Variants in MAP3K4 observed in about 807,000 individuals in gnomAD.
The protein encoded by MAP3K4 is mitogen-activated protein kinase kinase kinase 4, also known as MAP three kinase 1.
MAP3K4 carries 67 observed loss-of-function variants against 185.6 expected under a neutral mutation model. The ratio of observed to expected loss-of-function variants is 0.36; its 90% confidence interval spans 0.30 to 0.44. The LOEUF is 0.44. Among genes scored for constraint, MAP3K4 ranks in the 20% least tolerant of loss-of-function variants. The probability of loss-of-function intolerance (pLI) is 1.00; values close to 1 mark genes in which losing one functional copy is unlikely to be tolerated. For synonymous variants in MAP3K4, 702 were observed against 710.4 expected, an observed-to-expected ratio of 0.99 and a Z score of 0.19; for missense variants, 1,551 against 1,995.1, an observed-to-expected ratio of 0.78 and a Z score of 4.24.
chr6:161,103,593 G>A lies in MAP3K4; in HGVS notation c.3856+814G>A, dbSNP rs1051091126. ...ATGCCAATGCAGGAGAAACTGGAGAGTGAGGGGAGATCAGATCATGGACAG... is the reference window on the plus strand; with the variant it reads ...ATGCCAATGCAGGAGAAACTGGAGAATGAGGGGAGATCAGATCATGGACAG... On this transcript the variant is annotated intron_variant, in intron 19 of 26. Coordinates refer to ENST00000392142, the MANE Select transcript of MAP3K4 (RefSeq NM_005922.4). This position sits in a 1 kb window ranked among gnomAD's most constrained non-coding sequence, Gnocchi z 4.6. Among the ~76,000 whole-genome samples, 2 of 152,190 alleles carry A rather than the reference G, an allele frequency of 1.3e-5. No homozygotes were observed. Among genetic ancestry groups the A allele is most frequent in the Non-Finnish European group, 1.5e-5 (1 of 68,030 alleles).
Position 161,097,276 on chromosome 6 carries a change from C to T in MAP3K4, c.3524+100C>T, listed in dbSNP as rs1335618121. ...AGATGCTTGCTCTGAGAGCTAAATA[C>T]CTTTTCTGCATTGTTCGTACGTAAA... On this transcript the variant is annotated intron_variant, in intron 16 of 26. Coordinates refer to ENST00000392142, the MANE Select transcript of MAP3K4 (RefSeq NM_005922.4). The surrounding 1 kb of genome is among the most constrained non-coding windows in gnomAD (Gnocchi z 4.9). The T allele has an allele frequency of 2.0e-6, 2 of 975,700 alleles. No individual in the cohort carries two copies. Among genetic ancestry groups the T allele is most frequent in the East Asian group, 2.4e-5 (1 of 40,896 alleles). 60.4% of individuals were successfully genotyped at this position (975,700 alleles called of 1,614,324 possible).
At chr6:160,992,280 G>C in intron 1 of MAP3K4, 197 bp downstream of exon 1, 1 of 694,902 alleles carries the variant, frequency 1.4e-6, no homozygotes. Context: ...GACTCCTCCC[G>C]GGGTTGCAGC....
chr6:161,011,835 C>T (rs685939), intron 1 of MAP3K4, among the ~76,000 whole-genome samples: 141,614 of 152,230 alleles, frequency 0.93, 66,164 homozygotes, highest in African/African-American at 0.95. Flanking sequence ...CTGCAGTCCA[C>T]CCTACCCATC....
chr6:161,050,072 A>G (rs113820363), intron 3 of MAP3K4, 93 bp downstream of exon 3: 4 of 1,285,222 alleles, frequency 3.1e-6, no homozygotes, highest in African/African-American at 3.0e-5. Flanking sequence ...TTCATATTCT[A>G]ATATTTTTGA....
intron 1 of MAP3K4, among the ~76,000 whole-genome samples, chr6:161,026,650 C>G (rs1276244534): frequency 6.7e-6 from 1 of 149,456 alleles, no homozygotes; most frequent in Admixed American, 6.7e-5. Context: ...AACAAAATTG[C>G]AAAAATAACA....
chr6:161,042,561 C>T (rs1783519478), intron 2 of MAP3K4, among the ~76,000 whole-genome samples: 1 of 152,108 alleles, frequency 6.6e-6, no homozygotes, highest in South Asian at 2.1e-4. Flanking sequence ...TAGTCATTAC[C>T]AATTTATAGC....
chr6:161,058,750 C>T (rs1006836454), intron 3 of MAP3K4, among the ~76,000 whole-genome samples: 10 of 151,334 alleles, frequency 6.6e-5, no homozygotes, highest in African/African-American at 2.4e-4. Context: ...TTGGATCTGT[C>T]CTTGTAGATA....
At chr6:161,044,213 G>C (rs570712650) in intron 2 of MAP3K4, among the ~76,000 whole-genome samples, 21 of 152,156 alleles carry the variant, frequency 1.4e-4, no homozygotes, top group Non-Finnish European at 2.6e-4. Context: ...GGGAGATCAG[G>C]TGTCCCATTC....
intron 1 of MAP3K4, among the ~76,000 whole-genome samples, chr6:161,015,894 G>T (rs1782082348): frequency 6.6e-6 from 1 of 152,124 alleles, no homozygotes; most frequent in African/African-American, 2.4e-5. Flanking sequence ...AGGTTTGGGC[G>T]CCAGATACCC....
chr6:161,068,700 T>C (rs1784809260), intron 3 of MAP3K4, among the ~76,000 whole-genome samples: 1 of 152,098 alleles, frequency 6.6e-6, no homozygotes, highest in Admixed American at 6.5e-5. Flanking sequence ...AGAAGGTGGA[T>C]TTAAGGAGTA....
chr6:161,087,126 C>T lies in MAP3K4; in HGVS notation c.2556+459C>T, dbSNP rs1436757526. Reference sequence around the variant, plus strand: ...TTGGAGATTTAGCACAGTTAGAATCCGTATGTGATGTCATCACTGGACATT... The same window carrying T: ...TTGGAGATTTAGCACAGTTAGAATCTGTATGTGATGTCATCACTGGACATT... On this transcript the variant is annotated intron_variant, in intron 9 of 26. Transcript: ENST00000392142. This position sits in a 1 kb window ranked among gnomAD's most constrained non-coding sequence, Gnocchi z 4.9. 2.0e-5 allele frequency among the ~76,000 whole-genome samples: 3 copies of T among 152,118 alleles called. No homozygotes were observed. Among genetic ancestry groups the T allele is most frequent in the Non-Finnish European group, 4.4e-5 (3 of 68,038 alleles).
At position 161,053,222 on chromosome 6, in the gene MAP3K4, G is replaced by C. The variant is rs982906675; in HGVS notation, c.1707+3243G>C. On this transcript the variant is annotated intron_variant, in intron 3 of 26. Coordinates refer to ENST00000392142, the MANE Select transcript of MAP3K4 (RefSeq NM_005922.4). The surrounding 1 kb of genome is among the most constrained non-coding windows in gnomAD (Gnocchi z 4.2). ...ATGGCTGGAGCACGGGCAGGGTGAAGGTGCTCCATTCTTTTAAACAACCAG... is the reference window on the plus strand; with the variant it reads ...ATGGCTGGAGCACGGGCAGGGTGAACGTGCTCCATTCTTTTAAACAACCAG... 1.3e-5 allele frequency among the ~76,000 whole-genome samples: 2 copies of C among 152,098 alleles called. No homozygotes were observed. Among genetic ancestry groups the C allele is most frequent in the Non-Finnish European group, 2.9e-5 (2 of 68,028 alleles).
intron 1 of MAP3K4, among the ~76,000 whole-genome samples, chr6:161,032,800 G>A (rs1243319634): frequency 6.6e-5 from 10 of 152,306 alleles, no homozygotes; most frequent in African/African-American, 9.6e-5. Context: ...GGAAATAGGT[G>A]CATTTAAAAC....
At chr6:161,105,839 T>G (rs201512781) in intron 19 of MAP3K4, among the ~76,000 whole-genome samples, 4 of 4,816 alleles carry the variant, frequency 8.3e-4, no homozygotes, top group Non-Finnish European at 8.9e-4. Context: ...TGGTTTTTTG[T>G]TTTTTTTTTT....
intron 1 of MAP3K4, among the ~76,000 whole-genome samples, chr6:161,019,074 T>G (rs1782249787): frequency 6.6e-6 from 1 of 152,190 alleles, no homozygotes; most frequent in Admixed American, 6.5e-5. Flanking sequence ...GGTTAGCGTG[T>G]GTATTGAGTT....
chr6:161,031,631 T>G (rs979900860), intron 1 of MAP3K4, among the ~76,000 whole-genome samples: 1 of 152,224 alleles, frequency 6.6e-6, no homozygotes, highest in East Asian at 1.9e-4. Context: ...ACTTTCACTC[T>G]GCATTGCATT....
chr6:161,048,556 T>C lies in MAP3K4; in HGVS notation c.344-60T>C, dbSNP rs1488203884. ...GTGAATACCAGTTTTATTGAAAATATTGAGAGTAGCTTCATATTTTAGAGT... is the reference window on the plus strand; with the variant it reads ...GTGAATACCAGTTTTATTGAAAATACTGAGAGTAGCTTCATATTTTAGAGT... On this transcript the variant is annotated intron_variant, in intron 2 of 26. Coordinates refer to ENST00000392142, the MANE Select transcript of MAP3K4 (RefSeq NM_005922.4). The surrounding 1 kb of genome is among the most constrained non-coding windows in gnomAD (Gnocchi z 4.7). 2 of 1,135,000 alleles carry C rather than the reference T, an allele frequency of 1.8e-6. No individual in the cohort carries two copies. The highest frequency in any genetic ancestry group is 2.5e-6 in the Non-Finnish European group (2 of 812,374). 70.3% of individuals were successfully genotyped at this position (1,135,000 alleles called of 1,614,324 possible). A position where few individuals can be genotyped will look rare whatever the true frequency, so the allele number is the denominator to read the frequency against.
chr6:161,115,373 T>C lies in MAP3K4; in HGVS notation c.4806+71T>C. On this transcript the variant is annotated intron_variant, in intron 26 of 26. Coordinates refer to ENST00000392142, the MANE Select transcript of MAP3K4 (RefSeq NM_005922.4). This position sits in a 1 kb window ranked among gnomAD's most constrained non-coding sequence, Gnocchi z 6.0. ...GTTCTGTTTTGCATCAAGACGTTAATGAAATTTTGAAACTTTAAAGTAGCT... is the reference window on the plus strand; with the variant it reads ...GTTCTGTTTTGCATCAAGACGTTAACGAAATTTTGAAACTTTAAAGTAGCT... 1 of 1,447,906 alleles carries C rather than the reference T, an allele frequency of 6.9e-7. No homozygotes were observed. Among genetic ancestry groups the C allele is most frequent in the Non-Finnish European group, 9.3e-7 (1 of 1,072,674 alleles). 89.7% of individuals were successfully genotyped at this position (1,447,906 alleles called of 1,614,324 possible).
chr6:160,998,410 CAGAG>C (rs774137992), intron 1 of MAP3K4, among the ~76,000 whole-genome samples: 1 of 152,148 alleles, frequency 6.6e-6, no homozygotes, highest in African/African-American at 2.4e-5. Flanking sequence ...AAAAGCTAAT[CAGAG>C]AGCCTAAATT....
Sources: allele counts gnomAD v4.1 joint callset (sites outside exome capture counted in the v4.1 genomes callset), GRCh38; gene constraint gnomAD v4.1.1; non-coding constraint Gnocchi (gnomAD v3.1); transcripts MANE v1.5; gene names NCBI Gene and HGNC (gene_info 2026-07-23, HGNC 2026-07-21).